The following ZKSCAN8 variants were observed in gnomAD, a reference collection of about 807,000 sequenced individuals.
ZKSCAN8 encodes the protein zinc finger protein with KRAB and SCAN domains 8.
A neutral mutation model predicts 57.2 loss-of-function variants in ZKSCAN8; 27 were observed. That is an observed-to-expected ratio of 0.47 (90% CI 0.35 to 0.65). ZKSCAN8 has a LOEUF of 0.65. Among genes scored for constraint, ZKSCAN8 ranks in the 30% least tolerant of loss-of-function variants. The pLI, the probability that ZKSCAN8 is intolerant of heterozygous loss-of-function variation, is 0.01. For missense variants in ZKSCAN8, 597 were observed against 696.3 expected, an observed-to-expected ratio of 0.86 and a Z score of 1.60; for synonymous variants, 214 against 248.7, an observed-to-expected ratio of 0.86 and a Z score of 1.31.
chr6:28,143,117 A>G (rs1462724907), intron 1 of ZKSCAN8, among the ~76,000 whole-genome samples: 1 of 152,176 alleles, frequency 6.6e-6, no homozygotes, highest in African/African-American at 2.4e-5. Context: ...AAACTTGACT[A>G]GGTGTTCTTT....
Position 28,153,953 on chromosome 6 carries a change from G to A in ZKSCAN8, c.1673G>A (p.Arg558Lys), listed in dbSNP as rs1429473972. The A allele has an allele frequency of 1.2e-6, 2 of 1,612,650 alleles. No individual in the cohort carries two copies. Among genetic ancestry groups the A allele is most frequent in the African/African-American group, 2.7e-5 (2 of 74,830 alleles). The change falls in exon 6 of 6, where the codon AGG becomes AAG. Residue 558 changes from arginine (R) to lysine (K), a missense_variant. Coordinates refer to ENST00000330236, the MANE Select transcript of ZKSCAN8 (RefSeq NM_006298.4). Reference sequence around the variant, plus strand: ...GAGTGTGGGAAAGCCTTTATTCAGAGGTCAAGTCTCATTCGACATCAGAGA... The same window carrying A: ...GAGTGTGGGAAAGCCTTTATTCAGAAGTCAAGTCTCATTCGACATCAGAGA... ...CNECGKAFIQ[R>K]SSLIRHQRIH...
rs188367219 is a variant in ZKSCAN8, at chr6:28,152,290, G to A, written c.681G>A (p.Val227=). 1 of 1,612,814 alleles carries A rather than the reference G, an allele frequency of 6.2e-7. No individual in the cohort carries two copies. The highest frequency in any genetic ancestry group is 1.3e-5 in the African/African-American group (1 of 74,924). ...TGGAGAAGATTGAAGACATGGCTGTGTCCCTTATTCGAGAGGAGTGGCTTC... is the reference window on the plus strand; with the variant it reads ...TGGAGAAGATTGAAGACATGGCTGTATCCCTTATTCGAGAGGAGTGGCTTC... The part of the protein sequence containing the change: ...QTLEKIEDMA[V]SLIREEWLLD... Residue 227 remains valine (V), a synonymous_variant, in exon 5 of 6, where the codon GTG becomes GTA. Transcript: ENST00000330236.
chr6:28,145,759 A>G (rs1203164053), intron 1 of ZKSCAN8, among the ~76,000 whole-genome samples: 2 of 152,186 alleles, frequency 1.3e-5, no homozygotes, highest in African/African-American at 4.8e-5. Context: ...GTGTGTCTTC[A>G]CATGACCTTC....
chr6:28,145,778 CAG>C (rs1765374496), intron 1 of ZKSCAN8, among the ~76,000 whole-genome samples: 1 of 152,210 alleles, frequency 6.6e-6, no homozygotes, highest in South Asian at 2.1e-4. Context: ...TCTCCTTTCT[CAG>C]AGTCTGTCTC....
rs753620657 is a variant in ZKSCAN8 at position 28,156,516 on chromosome 6, T to C, written c.*2499T>C. 34 of 272,840 alleles carry C rather than the reference T, an allele frequency of 1.2e-4. No individual in the cohort carries two copies. Among genetic ancestry groups the C allele is most frequent in the Non-Finnish European group, 2.1e-4 (31 of 146,890 alleles). The allele number at this position is 272,840 out of a possible 1,614,324, so 16.9% of individuals were successfully genotyped here. Reference sequence around the variant, plus strand: ...ATTATCAAAGCTGATACAGCACATATACAGAATTAGCCAAATGGTATAAGA... The same window carrying C: ...ATTATCAAAGCTGATACAGCACATACACAGAATTAGCCAAATGGTATAAGA... On this transcript the variant is annotated 3_prime_UTR_variant, in exon 6 of 6. Transcript: ENST00000330236.
intron 1 of ZKSCAN8, among the ~76,000 whole-genome samples, chr6:28,147,680 G>C (rs1765440743): frequency 6.6e-6 from 1 of 152,304 alleles, no homozygotes; most frequent in South Asian, 2.1e-4. Flanking sequence ...TGTGGGAGTA[G>C]ACTTTTGGGT....
chr6:28,151,663 C>T lies in ZKSCAN8; in HGVS notation c.560-182C>T, dbSNP rs899144528. 2.6e-5 allele frequency among the ~76,000 whole-genome samples: 4 copies of T among 152,264 alleles called. No homozygotes were observed. The East Asian group carries it at 5.8e-4, about 22-fold the overall frequency. On this transcript the variant is annotated intron_variant, in intron 3 of 5. Coordinates refer to ENST00000330236, the MANE Select transcript of ZKSCAN8 (RefSeq NM_006298.4). ...GTCTGACTTCAGGGACATCGGGGTG[C>T]GTATGTTTTGTGGGGCAGCCATAGA... is the stretch of plus-strand genomic sequence containing the variant.
chr6:28,148,962 AT>A, intron 2 of ZKSCAN8, 138 bp downstream of exon 2: 2 of 1,039,732 alleles, frequency 1.9e-6, no homozygotes, highest in Non-Finnish European at 2.7e-6. Context: ...TTAGTGTAGT[AT>A]GACTTGTAGA....
intron 2 of ZKSCAN8, among the ~76,000 whole-genome samples, 155 bp from the exon 3 acceptor site, chr6:28,149,328 G>A (rs1298872739): frequency 6.6e-6 from 1 of 152,104 alleles, no homozygotes; most frequent in Non-Finnish European, 1.5e-5. Flanking sequence ...TGCTCATTAC[G>A]TATTCGTGTT....
rs528386402 is a variant in ZKSCAN8, at chr6:28,157,889, T to C, written c.*3872T>C. The C allele has an allele frequency of 6.6e-6, 1 of 152,328 alleles. No homozygotes were observed. The highest frequency in any genetic ancestry group is 1.5e-5 in the Non-Finnish European group (1 of 68,020). 9.4% of individuals were successfully genotyped at this position (152,328 alleles called of 1,614,324 possible). A position where few individuals can be genotyped will look rare whatever the true frequency, so the allele number is the denominator to read the frequency against. Reference sequence around the variant, plus strand: ...AGATGGTCAGTTAGGATGACAATAGTAAGTTCATCTACAGCATAAAATGTG... The same window carrying C: ...AGATGGTCAGTTAGGATGACAATAGCAAGTTCATCTACAGCATAAAATGTG... On this transcript the variant is annotated 3_prime_UTR_variant, in exon 6 of 6. Coordinates refer to ENST00000330236, the MANE Select transcript of ZKSCAN8 (RefSeq NM_006298.4).
intron 1 of ZKSCAN8, among the ~76,000 whole-genome samples, chr6:28,142,984 C>G (rs1458347082): frequency 2.0e-5 from 3 of 152,192 alleles, no homozygotes; most frequent in Non-Finnish European, 4.4e-5. Flanking sequence ...AGGAAGAATA[C>G]ATTCCTTCCA....
chr6:28,148,950 T>G, intron 2 of ZKSCAN8, 126 bp downstream of exon 2: 1 of 1,131,444 alleles, frequency 8.8e-7, no homozygotes. Context: ...ATGACAATAG[T>G]TTTAGTGTAG....
rs1485576191 is a variant in ZKSCAN8 at position 28,148,389 on chromosome 6, C to A, written c.-19C>A. On this transcript the variant is annotated 5_prime_UTR_variant, in exon 2 of 6. It adds an upstream start codon to the 5' untranslated region. Transcript: ENST00000330236. ...AAAGAAGGTAGTGGAAACGAACTTCCTGAGCTTTTCAGGCTCTAATGGCTG... is the reference window on the plus strand; with the variant it reads ...AAAGAAGGTAGTGGAAACGAACTTCATGAGCTTTTCAGGCTCTAATGGCTG... 1.9e-6 allele frequency: 3 copies of A among 1,597,038 alleles called. No homozygotes were observed. The highest frequency in any genetic ancestry group is 2.6e-6 in the Non-Finnish European group (3 of 1,170,610).
In ZKSCAN8 at chr6:28,153,372, CCTT is replaced by C; in HGVS notation, c.1096_1098del (p.Leu366del). 3.1e-6 allele frequency: 5 copies of C among 1,613,562 alleles called. No homozygotes were observed. The highest frequency in any genetic ancestry group is 4.2e-6 in the Non-Finnish European group (5 of 1,179,884). Reference sequence around the variant, plus strand: ...GTAAAGCCTTCAGTTACAGGTCAGCCCTTCTTTCACATCAGGATATCCACAACA... The same window carrying C: ...GTAAAGCCTTCAGTTACAGGTCAGCCCTTTCACATCAGGATATCCACAACA... On this transcript the variant is annotated inframe_deletion, in exon 6 of 6. Transcript: ENST00000330236.
rs1412859215 is a variant in ZKSCAN8, at chr6:28,149,198, T to G, written c.418-285T>G. On this transcript the variant is annotated intron_variant, in intron 2 of 5. Coordinates refer to ENST00000330236, the MANE Select transcript of ZKSCAN8 (RefSeq NM_006298.4). ...CTACTGCATAGCACTGCTTTAAGTT[T>G]GTTGTTTTCCTCCTTCCTCTGCCTT... Among the ~76,000 whole-genome samples, 12 of 152,278 alleles carry G rather than the reference T, an allele frequency of 7.9e-5. No homozygotes were observed. The South Asian group carries it at 1.5e-3, about 18-fold the overall frequency.
Position 28,156,164 on chromosome 6 carries a change from C to G in ZKSCAN8, c.*2147C>G. The G allele has an allele frequency of 2.5e-6, 1 of 398,286 alleles. No homozygotes were observed. 24.7% of individuals were successfully genotyped at this position (398,286 alleles called of 1,614,324 possible). ...GAGGGAAAATATATGTGTATGTACA[C>G]ATGTGTATGTACACACACACACACA... On this transcript the variant is annotated 3_prime_UTR_variant, in exon 6 of 6. Coordinates refer to ENST00000330236, the MANE Select transcript of ZKSCAN8 (RefSeq NM_006298.4).
rs1561825468 is a variant in ZKSCAN8 at position 28,155,389 on chromosome 6, C to T, written c.*1372C>T. The T allele has an allele frequency of 6.6e-6, 1 of 152,162 alleles. No individual in the cohort carries two copies. The highest frequency in any genetic ancestry group is 1.5e-5 in the Non-Finnish European group (1 of 68,030). 9.4% of individuals were successfully genotyped at this position (152,162 alleles called of 1,614,324 possible). On this transcript the variant is annotated 3_prime_UTR_variant, in exon 6 of 6. Transcript: ENST00000330236. Reference sequence around the variant, plus strand: ...AACTTACGCATCCAATGTGGGTTGTCACTTGTTATTCCCAAGTACTATTAT... The same window carrying T: ...AACTTACGCATCCAATGTGGGTTGTTACTTGTTATTCCCAAGTACTATTAT...
rs1333242481 is a variant in ZKSCAN8 at position 28,155,452 on chromosome 6, C to T, written c.*1435C>T. The T allele has an allele frequency of 6.6e-6, 1 of 152,182 alleles. No homozygotes were observed. Among genetic ancestry groups the T allele is most frequent in the African/African-American group, 2.4e-5 (1 of 41,444 alleles). 9.4% of individuals were successfully genotyped at this position (152,182 alleles called of 1,614,324 possible). On this transcript the variant is annotated 3_prime_UTR_variant, in exon 6 of 6. Transcript: ENST00000330236. Reference sequence around the variant, plus strand: ...TATTCTTCCAAATATTTGGAACACTCTTAGAATTCCCATTTAATAAACCAT... The same window carrying T: ...TATTCTTCCAAATATTTGGAACACTTTTAGAATTCCCATTTAATAAACCAT...
Position 28,155,415 on chromosome 6 carries a change from T to C in ZKSCAN8, c.*1398T>C, listed in dbSNP as rs566897840. 2 of 152,308 alleles carry C rather than the reference T, an allele frequency of 1.3e-5. No individual in the cohort carries two copies. The highest frequency in any genetic ancestry group is 4.8e-5 in the African/African-American group (2 of 41,562). The allele number at this position is 152,308 out of a possible 1,614,324, so 9.4% of individuals were successfully genotyped here. A position where few individuals can be genotyped will look rare whatever the true frequency, so the allele number is the denominator to read the frequency against. On this transcript the variant is annotated 3_prime_UTR_variant, in exon 6 of 6. Coordinates refer to ENST00000330236, the MANE Select transcript of ZKSCAN8 (RefSeq NM_006298.4). ...ACTTGTTATTCCCAAGTACTATTAT[T>C]CCATACTACTATATTCTTCCAAATA...
Sources: allele counts gnomAD v4.1 joint callset (sites outside exome capture counted in the v4.1 genomes callset), GRCh38; gene constraint gnomAD v4.1.1; transcripts MANE v1.5; gene names NCBI Gene and HGNC (gene_info 2026-07-23, HGNC 2026-07-21).